Variants in CAP1 observed in about 807,000 individuals in gnomAD.
CAP1 encodes adenylyl cyclase-associated protein 1.
CAP1 carries 11 observed loss-of-function variants against 58.2 expected under a neutral mutation model. That is an observed-to-expected ratio of 0.19 (90% confidence interval 0.12 to 0.31). CAP1 has a LOEUF of 0.31. Ranked by LOEUF, CAP1 falls within the 10% of genes least tolerant of loss-of-function variation. The pLI, the probability that CAP1 is intolerant of heterozygous loss-of-function variation, is 1.00. For missense variants in CAP1, 423 were observed against 587.5 expected (o/e 0.72, Z 2.89); for synonymous variants, 183 against 213.8 (o/e 0.86, Z 1.26).
In CAP1 at chr1:40,064,340, A is replaced by C; in HGVS notation, c.408A>C (p.Glu136Asp). The C allele has an allele frequency of 6.2e-7, 1 of 1,614,152 alleles. No homozygotes were observed. The change falls in exon 5 of 13, where the codon GAA (glutamate) becomes GAC (aspartate). Residue 136 changes from glutamate (E) to aspartate (D), a missense_variant. Physicochemically the swap from Glu to Asp is conservative, Grantham distance 45. Coordinates refer to ENST00000372805, the MANE Select transcript of CAP1 (RefSeq NM_006367.4). ...KLFNHLSAVS[E>D]SIQALGWVAM... ...TTAATCACCTGTCAGCTGTCAGCGA[A>C]AGTATCCAGGCCCTGGGCTGGGTGG...
rs192062508 is a variant in CAP1 at position 40,046,836 on chromosome 1, G to A, written c.-11+6035G>A. On this transcript the variant is annotated intron_variant, in intron 1 of 12. Coordinates refer to ENST00000372805, the MANE Select transcript of CAP1 (RefSeq NM_006367.4). Reference sequence around the variant, plus strand: ...CGCCCAGGCTGGAGTGCAGTGGCACGATCTTGGCTCACTGCAACCCCCGCC... The same window carrying A: ...CGCCCAGGCTGGAGTGCAGTGGCACAATCTTGGCTCACTGCAACCCCCGCC... Among the ~76,000 whole-genome samples, 1,007 of 150,478 alleles carry A rather than the reference G, an allele frequency of 6.7e-3. 12 individuals carry two copies. Among genetic ancestry groups the A allele is most frequent in the African/African-American group, 0.023 (935 of 40,904 alleles).
chr1:40,066,456 A>G, intron 7 of CAP1, 136 bp downstream of exon 7: 1 of 627,136 alleles, frequency 1.6e-6, no homozygotes, highest in South Asian at 1.9e-5. Flanking sequence ...GGAGGAAGAA[A>G]AGGAGGAGAA....
chr1:40,067,319 C>T (rs181358609), intron 7 of CAP1: 313 of 458,282 alleles, frequency 6.8e-4, no homozygotes, highest in Non-Finnish European at 1.1e-3. Context: ...CAGGTGAGTT[C>T]AAAGGCAAAA....
chr1:40,069,163 G>C (rs1423732325), intron 8 of CAP1, among the ~76,000 whole-genome samples: 1 of 152,202 alleles, frequency 6.6e-6, no homozygotes, highest in African/African-American at 2.4e-5. Context: ...AGGTTAACAT[G>C]AGAAAGTTTT....
intron 1 of CAP1, among the ~76,000 whole-genome samples, chr1:40,056,754 C>A (rs2124311033): frequency 6.6e-6 from 1 of 151,816 alleles, no homozygotes; most frequent in East Asian, 1.9e-4. Flanking sequence ...TGTACATGAC[C>A]ACCGGAAGAA....
At chr1:40,055,559 A>C (rs1646576421) in intron 1 of CAP1, among the ~76,000 whole-genome samples, 1 of 151,912 alleles carries the variant, frequency 6.6e-6, no homozygotes, top group South Asian at 2.1e-4. Context: ...CCCAGGCTGG[A>C]GTGCAGTGGT....
Position 40,072,237 on chromosome 1 carries a change from A to T in CAP1, c.*704A>T. On this transcript the variant is annotated 3_prime_UTR_variant, in exon 13 of 13. Coordinates refer to ENST00000372805, the MANE Select transcript of CAP1 (RefSeq NM_006367.4). ...ATCCCTGCCCAGCACCTTCCTATAG[A>T]GATGACTTTAAAAGGAAAAAAAAAA... The T allele has an allele frequency of 2.7e-6, 1 of 367,044 alleles. No homozygotes were observed. The highest frequency in any genetic ancestry group is 2.4e-5 in the African/African-American group (1 of 41,560). The allele number at this position is 367,044 out of a possible 1,614,324, so 22.7% of individuals were successfully genotyped here.
In CAP1 at chr1:40,046,548, T is replaced by G. The variant is rs534460919; in HGVS notation, c.-11+5747T>G. Among the ~76,000 whole-genome samples, 485 of 152,320 alleles carry G rather than the reference T, an allele frequency of 3.2e-3. 1 individual carries two copies. Among genetic ancestry groups the G allele is most frequent in the African/African-American group, 0.011 (474 of 41,556 alleles). ...AGTTATTCACATTTATTTTAGTTGA[T>G]AAAATTATACAGTCATGTGTTGCTT... On this transcript the variant is annotated intron_variant, in intron 1 of 12. Transcript: ENST00000372805.
At chr1:40,068,468 G>A (rs1205719806) in intron 8 of CAP1, among the ~76,000 whole-genome samples, 2 of 151,606 alleles carry the variant, frequency 1.3e-5, no homozygotes, top group African/African-American at 4.9e-5. Context: ...AGTAGAGATG[G>A]GGTTTCTCCA....
intron 1 of CAP1, among the ~76,000 whole-genome samples, chr1:40,052,226 T>C (rs928634915): frequency 1.3e-5 from 2 of 152,238 alleles, no homozygotes; most frequent in African/African-American, 4.8e-5. Context: ...ATTACTCGTA[T>C]CTATGAAATC....
rs549356498 is a variant in CAP1, at chr1:40,059,441, C to T, written c.95C>T (p.Ala32Val). The T allele has an allele frequency of 6.2e-7, 1 of 1,605,292 alleles. No individual in the cohort carries two copies. The highest frequency in any genetic ancestry group is 1.7e-5 in the Admixed American group (1 of 59,980). The change falls in exon 2 of 13, where the codon GCA becomes GTA. Residue 32 changes from alanine (A) to valine (V), a missense_variant. Ala to Val is a moderately conservative substitution (Grantham distance 64). Transcript: ENST00000372805. ...SHTSDMHRGY[A>V]DSPSKAGAAP... ...ACCTCTGACATGCACCGTGGGTATG[C>T]AGACAGTCCTTCAAAAGGTAAGCAG...
intron 1 of CAP1, among the ~76,000 whole-genome samples, chr1:40,052,873 C>T (rs1482635314): frequency 1.3e-5 from 2 of 151,702 alleles, no homozygotes; most frequent in African/African-American, 4.8e-5. Context: ...GGTGGATCAC[C>T]AGGTCAGGAG....
Position 40,045,782 on chromosome 1 carries a change from C to T in CAP1, c.-11+4981C>T, listed in dbSNP as rs150191694. 1.1e-3 allele frequency among the ~76,000 whole-genome samples: 160 copies of T among 152,288 alleles called. 2 individuals carry two copies. Among genetic ancestry groups the T allele is most frequent in the African/African-American group, 3.4e-3 (140 of 41,544 alleles). On this transcript the variant is annotated intron_variant, in intron 1 of 12. Coordinates refer to ENST00000372805, the MANE Select transcript of CAP1 (RefSeq NM_006367.4). ...TGTTGGCCAGGCTGGTCTCGAACTCCTCAAGGGAACCACCCACCTCAGCCT... is the reference window on the plus strand; with the variant it reads ...TGTTGGCCAGGCTGGTCTCGAACTCTTCAAGGGAACCACCCACCTCAGCCT...
chr1:40,069,809 TC>T lies in CAP1; in HGVS notation c.933del (p.Lys312AsnfsTer30). 1.3e-6 allele frequency: 2 copies of T among 1,549,470 alleles called. No homozygotes were observed. Among genetic ancestry groups the T allele is most frequent in the South Asian group, 1.3e-5 (1 of 79,486 alleles). ...TGCACCTAAACCCCAAACCAGCCCA[TC>T]CCCCAAACGAGCCACAAAGAAGGAG... Reference protein sequence around the residue: ...FSAPKPQTSPSPKRATKKEPA... With the variant: ...FSAPKPQTSPXPKRATKKEPA... On this transcript the variant is annotated frameshift_variant, in exon 9 of 13. Transcript: ENST00000372805. LOFTEE classifies it high-confidence loss of function.
chr1:40,057,769 T>C (rs1646679418), intron 1 of CAP1, among the ~76,000 whole-genome samples: 1 of 152,244 alleles, frequency 6.6e-6, no homozygotes, highest in Middle Eastern at 3.2e-3. Context: ...TTCATTCAGC[T>C]TCAGTTACCT....
intron 1 of CAP1, among the ~76,000 whole-genome samples, chr1:40,049,030 G>A (rs1186910137): frequency 1.3e-5 from 2 of 152,050 alleles, no homozygotes; most frequent in African/African-American, 2.4e-5. Flanking sequence ...TGTCTTAATT[G>A]CCTGGTGGGA....
At position 40,061,736 on chromosome 1, in the gene CAP1, C is replaced by T. The variant is rs776999876; in HGVS notation, c.218C>T (p.Ala73Val). 1.2e-6 allele frequency: 2 copies of T among 1,613,262 alleles called. No homozygotes were observed. The highest frequency in any genetic ancestry group is 1.7e-6 in the Non-Finnish European group (2 of 1,179,406). ...KEIGGDVQKH[A>V]EMVHTGLKLE... ...ATAGCTGATTCTTCTTTCTGGCAGG[C>T]GGAGATGGTCCACACAGGTTTGAAG... Residue 73 changes from alanine to valine, a missense_variant and splice_region_variant, in exon 4 of 13, where the codon GCG becomes GTG. Transcript: ENST00000372805.
intron 4 of CAP1, among the ~76,000 whole-genome samples, chr1:40,062,102 T>G (rs1218309202): frequency 3.3e-5 from 5 of 152,140 alleles, no homozygotes; most frequent in Non-Finnish European, 1.5e-5. Context: ...TCATAGTGTC[T>G]CCAAAGCCCT....
intron 1 of CAP1, among the ~76,000 whole-genome samples, chr1:40,056,123 C>T (rs1330635039): frequency 6.6e-6 from 1 of 152,176 alleles, no homozygotes; most frequent in Non-Finnish European, 1.5e-5. Flanking sequence ...TCTCTGATTT[C>T]TCTAAAGAAC....
Sources: gnomAD v4.1 joint callset for allele counts (sites outside exome capture counted in the v4.1 genomes callset) on GRCh38, gnomAD v4.1.1 for gene constraint, MANE v1.5 for transcripts, NCBI Gene and HGNC (gene_info 2026-07-23, HGNC 2026-07-21) for gene names.